LRRC4C: variants seen among roughly 807,000 people sequenced by gnomAD.
LRRC4C encodes leucine rich repeat containing 4C.
In LRRC4C, 5 loss-of-function variants were observed where a neutral mutation model predicts 33.6. The observed-to-expected ratio is 0.15, with a 90% CI of 0.08 to 0.31. The LOEUF (loss-of-function observed/expected upper bound fraction) is 0.31, where lower values mean the gene tolerates loss of function less well. LRRC4C is among the 10% of genes least tolerant of loss of function. The pLI is 1.00. For missense variants in LRRC4C, 560 were observed against 796.7 expected (o/e 0.70, Z 3.58); for synonymous variants, 329 against 302.0 (o/e 1.09, Z -0.93).
chr11:40,890,675 A>G (rs1955661234), intron 2 of LRRC4C, among the ~76,000 whole-genome samples: 1 of 152,122 alleles, frequency 6.6e-6, no homozygotes, highest in Admixed American at 6.5e-5. Flanking sequence ...ACATGGAGAG[A>G]AAATACAGAA....
At chr11:40,350,707 A>G (rs1192800388) in intron 3 of LRRC4C, among the ~76,000 whole-genome samples, 1 of 152,030 alleles carries the variant, frequency 6.6e-6, no homozygotes, top group Non-Finnish European at 1.5e-5. Flanking sequence ...AATAATATTG[A>G]TTCTCTCAAT....
intron 3 of LRRC4C, among the ~76,000 whole-genome samples, chr11:40,567,949 T>C (rs1024340915): frequency 6.6e-6 from 1 of 152,198 alleles, no homozygotes; most frequent in Non-Finnish European, 1.5e-5. Flanking sequence ...TAAAATACTA[T>C]CTCATCAGTG....
chr11:40,868,150 G>T (rs1954461699), intron 2 of LRRC4C, among the ~76,000 whole-genome samples: 1 of 152,086 alleles, frequency 6.6e-6, no homozygotes, highest in Non-Finnish European at 1.5e-5. Flanking sequence ...TTCTTAAACT[G>T]TGTGCACATT....
chr11:40,214,370 C>T (rs556455735), intron 5 of LRRC4C, among the ~76,000 whole-genome samples: 1 of 152,186 alleles, frequency 6.6e-6, no homozygotes, highest in African/African-American at 2.4e-5. Context: ...ATATTCTGTT[C>T]CTAAGTCCCT....
chr11:41,314,617 G>A (rs1950733380), intron 1 of LRRC4C, among the ~76,000 whole-genome samples: 1 of 152,132 alleles, frequency 6.6e-6, no homozygotes, highest in South Asian at 2.1e-4. Flanking sequence ...CTTGGACACA[G>A]GGCAGGGAAC....
In LRRC4C at chr11:41,427,279, T is replaced by C. The variant is rs140434220; in HGVS notation, c.-496+32152A>G. 9.6e-3 allele frequency among the ~76,000 whole-genome samples: 1,469 copies of C among 152,274 alleles called. 14 individuals carry two copies. The highest frequency in any genetic ancestry group is 0.016 in the Non-Finnish European group (1,080 of 68,016). ...TTTTATTTTACTTCTTGTTTGCTGG[T>C]TTATTTTTTAAGTATCCACTCTTTG... On this transcript the variant is annotated intron_variant, in intron 1 of 6. Transcript: ENST00000528697.
intron 3 of LRRC4C, among the ~76,000 whole-genome samples, chr11:40,395,078 A>G (rs1407094137): frequency 6.6e-6 from 1 of 152,156 alleles, no homozygotes; most frequent in East Asian, 1.9e-4. Flanking sequence ...ATAGTCTATA[A>G]TGTAGATGGA....
chr11:41,295,883 G>A (rs1237647100), intron 1 of LRRC4C, among the ~76,000 whole-genome samples: 1 of 152,166 alleles, frequency 6.6e-6, no homozygotes, highest in African/African-American at 2.4e-5. Context: ...ATTTTGCTAA[G>A]CCCTGCTCAA....
At chr11:40,252,726 C>G (rs1043613361) in intron 4 of LRRC4C, among the ~76,000 whole-genome samples, 2 of 152,074 alleles carry the variant, frequency 1.3e-5, no homozygotes, top group Non-Finnish European at 2.9e-5. Flanking sequence ...TAGAAAATTC[C>G]TATATGGCTC....
intron 1 of LRRC4C, among the ~76,000 whole-genome samples, chr11:41,175,610 C>T (rs1945164587): frequency 6.6e-6 from 1 of 151,916 alleles, no homozygotes; most frequent in Non-Finnish European, 1.5e-5. Flanking sequence ...CAATGGCCAC[C>T]CTTAACTTCA....
chr11:40,497,650 G>T (rs1307697670), intron 3 of LRRC4C, among the ~76,000 whole-genome samples: 1 of 152,172 alleles, frequency 6.6e-6, no homozygotes, highest in African/African-American at 2.4e-5. Context: ...TGGAAAGAAA[G>T]GCCATGACAG....
chr11:40,688,356 C>T (rs1349012416), intron 2 of LRRC4C, among the ~76,000 whole-genome samples: 1 of 152,130 alleles, frequency 6.6e-6, no homozygotes, highest in African/African-American at 2.4e-5. Flanking sequence ...GTAAAGGACA[C>T]AACAAACTTC....
intron 2 of LRRC4C, among the ~76,000 whole-genome samples, chr11:40,881,187 T>C (rs1955157493): frequency 1.3e-5 from 2 of 152,032 alleles, no homozygotes; most frequent in Non-Finnish European, 1.5e-5. Context: ...GAACTAAAAA[T>C]AAATTTCCCC....
At chr11:40,834,793 T>G (rs533640031) in intron 2 of LRRC4C, among the ~76,000 whole-genome samples, 1 of 152,108 alleles carries the variant, frequency 6.6e-6, no homozygotes, top group South Asian at 2.1e-4. Context: ...AATTTGGCCC[T>G]CAACATGTCT....
intron 1 of LRRC4C, among the ~76,000 whole-genome samples, chr11:41,097,010 G>A (rs1184329583): frequency 2.0e-5 from 3 of 152,164 alleles, no homozygotes; most frequent in Admixed American, 2.0e-4. Context: ...AAGTGGCTTA[G>A]AATCAAGGCA....
intron 2 of LRRC4C, among the ~76,000 whole-genome samples, chr11:40,782,045 T>C (rs1950231342): frequency 6.6e-6 from 1 of 152,208 alleles, no homozygotes; most frequent in Non-Finnish European, 1.5e-5. Flanking sequence ...TCATTTAATT[T>C]CAAGCCAAAA....
chr11:40,853,452 A>G (rs867872624), intron 2 of LRRC4C, among the ~76,000 whole-genome samples: 1 of 148,740 alleles, frequency 6.7e-6, no homozygotes, highest in Non-Finnish European at 1.5e-5. Flanking sequence ...ATATAATTTA[A>G]CTATAAATGT....
At chr11:40,260,563 TAAAA>T (rs1279036755) in intron 4 of LRRC4C, among the ~76,000 whole-genome samples, 1 of 150,574 alleles carries the variant, frequency 6.6e-6, no homozygotes, top group Non-Finnish European at 1.5e-5. Context: ...AAAAAAAAAT[TAAAA>T]AAAATACCCA....
intron 1 of LRRC4C, among the ~76,000 whole-genome samples, chr11:41,259,848 G>C (rs1245222624): frequency 6.6e-6 from 1 of 151,930 alleles, no homozygotes; most frequent in East Asian, 1.9e-4. Flanking sequence ...ATAAGATAAA[G>C]AAAATATATG....
Sources: allele counts gnomAD v4.1 joint callset (sites outside exome capture counted in the v4.1 genomes callset), GRCh38; gene constraint gnomAD v4.1.1; transcripts MANE v1.5; gene names NCBI Gene and HGNC (gene_info 2026-07-23, HGNC 2026-07-21).